Variants in PHACTR4 observed in about 807,000 individuals in gnomAD.
PHACTR4 encodes the protein protein phosphatase 1, regulatory subunit 124.
A neutral mutation model predicts 72.7 loss-of-function variants in PHACTR4; 51 were observed. The observed-to-expected ratio is 0.70, with a 90% CI of 0.56 to 0.89. The LOEUF is 0.89. PHACTR4 is among the 40% of genes least tolerant of loss of function. The pLI, the probability that PHACTR4 is intolerant of heterozygous loss-of-function variation, is 0.00. For missense variants in PHACTR4, 731 were observed against 861.8 expected (o/e 0.85, Z 1.90); for synonymous variants, 255 against 302.5 (o/e 0.84, Z 1.63).
intron 1 of PHACTR4, among the ~76,000 whole-genome samples, chr1:28,376,073 AAAAC>A (rs146368743): frequency 0.38 from 57,762 of 151,582 alleles, 12,641 homozygotes; most frequent in African/African-American, 0.59. Context: ...CCATCTCAAA[AAAAC>A]AAACAAACAA....
At chr1:28,485,544 G>A (rs955569718) in intron 9 of PHACTR4, among the ~76,000 whole-genome samples, 5 of 150,896 alleles carry the variant, frequency 3.3e-5, no homozygotes, top group East Asian at 2.0e-4. Flanking sequence ...CCGGGATCCC[G>A]TGCCACTGCA....
intron 2 of PHACTR4, among the ~76,000 whole-genome samples, chr1:28,418,675 G>A (rs1188428397): frequency 6.6e-6 from 1 of 152,074 alleles, no homozygotes; most frequent in Non-Finnish European, 1.5e-5. Context: ...TTTAAGGCCA[G>A]GTGCAATGGC....
chr1:28,467,195 A>G (rs1257838055), intron 6 of PHACTR4: 2 of 154,504 alleles, frequency 1.3e-5, no homozygotes, highest in African/African-American at 4.8e-5. Context: ...CCTAGGCGAC[A>G]GAGAGAGACT....
In PHACTR4 at chr1:28,431,552, C is replaced by CT. The variant is rs147038810; in HGVS notation, c.16+24090dup. Among the ~76,000 whole-genome samples, 749 of 152,018 alleles carry CT rather than the reference C, an allele frequency of 4.9e-3. 5 individuals carry two copies. Among genetic ancestry groups the CT allele is most frequent in the African/African-American group, 0.017 (702 of 41,492 alleles). The stretch of plus-strand genomic sequence containing the variant: ...CAAACACCACATTCCAAAAAGAACT[C>CT]TGAGTCAGACACCAACAGTAAAAGC... On this transcript the variant is annotated intron_variant, in intron 2 of 13. Transcript: ENST00000373839.
chr1:28,401,954 G>A (rs1311754984), intron 1 of PHACTR4, among the ~76,000 whole-genome samples: 1 of 152,158 alleles, frequency 6.6e-6, no homozygotes, highest in Non-Finnish European at 1.5e-5. Context: ...CAGAATATAA[G>A]AGTCTGAGAA....
intron 2 of PHACTR4, 83 bp downstream of exon 2, chr1:28,407,546 T>A: frequency 7.8e-7 from 1 of 1,279,096 alleles, no homozygotes; most frequent in Non-Finnish European, 1.1e-6. Flanking sequence ...GTAAATTGGT[T>A]TTTTTTCATA....
chr1:28,459,726 C>T (rs1272319082), intron 3 of PHACTR4, among the ~76,000 whole-genome samples: 1 of 152,058 alleles, frequency 6.6e-6, no homozygotes, highest in Non-Finnish European at 1.5e-5. Context: ...TAGAATTAAA[C>T]ATCAAAATGG....
intron 2 of PHACTR4, among the ~76,000 whole-genome samples, chr1:28,423,088 C>T (rs557648386): frequency 6.6e-6 from 1 of 150,514 alleles, no homozygotes; most frequent in South Asian, 2.2e-4. Context: ...CACACCCGGC[C>T]TAAAACTAGA....
At chr1:28,382,888 G>C (rs753042352) in intron 1 of PHACTR4, among the ~76,000 whole-genome samples, 1 of 151,844 alleles carries the variant, frequency 6.6e-6, no homozygotes, top group Non-Finnish European at 1.5e-5. Context: ...CTGCCTCCTG[G>C]ATTCAAGTGA....
chr1:28,429,437 C>G (rs1656086285), intron 2 of PHACTR4, among the ~76,000 whole-genome samples: 1 of 152,156 alleles, frequency 6.6e-6, no homozygotes, highest in African/African-American at 2.4e-5. Context: ...AGTCTATGGT[C>G]TCGACGTTTT....
At chr1:28,387,259 C>CA (rs11431699) in intron 1 of PHACTR4, among the ~76,000 whole-genome samples, 17,812 of 96,294 alleles carry the variant, frequency 0.18, 3,401 homozygotes, top group African/African-American at 0.49. Flanking sequence ...GACCCTGTCT[C>CA]AAAAAAAAAA....
chr1:28,459,985 G>A (rs750181161), intron 3 of PHACTR4, among the ~76,000 whole-genome samples: 4 of 152,148 alleles, frequency 2.6e-5, no homozygotes, highest in Admixed American at 6.6e-5. Context: ...TTTCTCTTAA[G>A]TTACAATTAT....
chr1:28,410,061 A>T (rs1038598026), intron 2 of PHACTR4, among the ~76,000 whole-genome samples: 2 of 99,820 alleles, frequency 2.0e-5, no homozygotes, highest in African/African-American at 5.9e-5. Flanking sequence ...CCGCCTCCCG[A>T]GTTCAAGCCA....
intron 13 of PHACTR4, among the ~76,000 whole-genome samples, chr1:28,495,601 TTTTA>T (rs1253719797): frequency 6.9e-6 from 1 of 145,540 alleles, no homozygotes; most frequent in South Asian, 2.1e-4. Flanking sequence ...GGGATTTTAT[TTTTA>T]TTTATTTATT....
intron 1 of PHACTR4, among the ~76,000 whole-genome samples, chr1:28,380,247 G>A (rs1005504536): frequency 1.7e-4 from 25 of 150,310 alleles, no homozygotes; most frequent in African/African-American, 5.2e-4. Context: ...TAGTAGAGAC[G>A]GGGTTTCACT....
At chr1:28,413,988 A>G (rs944172999) in intron 2 of PHACTR4, among the ~76,000 whole-genome samples, 6 of 152,198 alleles carry the variant, frequency 3.9e-5, no homozygotes, top group Non-Finnish European at 7.4e-5. Flanking sequence ...AAACTGACTG[A>G]AGAGACTGCT....
intron 5 of PHACTR4, among the ~76,000 whole-genome samples, 168 bp from the exon 6 acceptor site, chr1:28,466,214 T>A (rs1469182793): frequency 1.3e-5 from 2 of 152,222 alleles, no homozygotes; most frequent in Non-Finnish European, 2.9e-5. Context: ...CCTTTCTTAC[T>A]GACATTTCTT....
chr1:28,401,081 C>T (rs1653910454), intron 1 of PHACTR4, among the ~76,000 whole-genome samples: 1 of 152,076 alleles, frequency 6.6e-6, no homozygotes, highest in African/African-American at 2.4e-5. Context: ...CTGCAACTGG[C>T]TCTCTCTGCC....
intron 6 of PHACTR4, among the ~76,000 whole-genome samples, chr1:28,473,218 G>C (rs1025477166): frequency 3.3e-5 from 5 of 150,592 alleles, no homozygotes; most frequent in Non-Finnish European, 5.9e-5. Context: ...AGAGGTTGCG[G>C]TAAGCCAAGA....
Sources: allele counts gnomAD v4.1 joint callset (sites outside exome capture counted in the v4.1 genomes callset), GRCh38; gene constraint gnomAD v4.1.1; transcripts MANE v1.5; gene names NCBI Gene and HGNC (gene_info 2026-07-23, HGNC 2026-07-21).